The following CADM2 variants were observed in gnomAD, a reference collection of about 807,000 sequenced individuals.
The protein encoded by CADM2 is immunoglobulin superfamily member 4D.
Under a neutral mutation model 49.8 loss-of-function variants are expected in CADM2, and 12 were observed. The ratio of observed to expected loss-of-function variants is 0.24; its 90% CI spans 0.15 to 0.39. The LOEUF is 0.39. Ranked by LOEUF, CADM2 falls within the 10% of genes least tolerant of loss-of-function variation. The pLI is 1.00. For synonymous variants in CADM2, 214 were observed against 175.4 expected (o/e 1.22, Z -1.74); for missense variants, 378 against 492.3 (o/e 0.77, Z 2.20).
intron 6 of CADM2, among the ~76,000 whole-genome samples, chr3:85,917,814 T>TACATTTGTTTGTGTCCTC (rs1274729355): frequency 1.3e-5 from 2 of 152,190 alleles, no homozygotes; most frequent in Non-Finnish European, 2.9e-5. Flanking sequence ...GGAGTGTTCT[T>TACATTTGTTTGTGTCCTC]CCATTTGTTT....
chr3:85,002,388 A>G (rs1319704694), intron 1 of CADM2, among the ~76,000 whole-genome samples: 1 of 152,044 alleles, frequency 6.6e-6, no homozygotes, highest in Non-Finnish European at 1.5e-5. Context: ...AGAATTTTCT[A>G]CATCCTTAGT....
At position 86,014,402 on chromosome 3, in the gene CADM2, C is replaced by T. The variant is rs1372246009; in HGVS notation, c.971-51203C>T. ...TGACTGTAGTACTGCATTTACTCAA[C>T]GAAGTGATGGAAAATATTGAAGTTT... On this transcript the variant is annotated intron_variant, in intron 8 of 9. Coordinates refer to ENST00000383699, the MANE Select transcript of CADM2 (RefSeq NM_001167675.2). 4.8e-5 allele frequency: 71 copies of T among 1,475,610 alleles called. 1 individual carries two copies. The Middle Eastern group carries it at 8.4e-4, about 17-fold the overall frequency. 91.4% of individuals were successfully genotyped at this position (1,475,610 alleles called of 1,614,324 possible). A position where few individuals can be genotyped will look rare whatever the true frequency, so the allele number is the denominator to read the frequency against.
intron 1 of CADM2, among the ~76,000 whole-genome samples, chr3:85,170,373 C>T (rs1026834184): frequency 2.0e-5 from 3 of 149,336 alleles, no homozygotes; most frequent in Admixed American, 6.7e-5. Context: ...GAGTCTTGCT[C>T]TGTTGCCCAG....
chr3:86,065,871 G>A (rs895808071), intron 9 of CADM2, 141 bp downstream of exon 9: 4 of 827,768 alleles, frequency 4.8e-6, no homozygotes, highest in Non-Finnish European at 6.8e-6. Context: ...TTATTTCAGC[G>A]AATTCTTAAT....
rs78361891 is a variant in CADM2 at position 85,510,326 on chromosome 3, A to G, written c.62-216196A>G. Among the ~76,000 whole-genome samples, 4 of 152,184 alleles carry G rather than the reference A, an allele frequency of 2.6e-5. No individual in the cohort carries two copies. In the East Asian group the frequency reaches 7.7e-4, roughly 29 times the overall value. ...TTACAACACAAGAAAACTGCAACTG[A>G]CGTAAAATGTGCAAATCTGCCTTAA... On this transcript the variant is annotated intron_variant, in intron 1 of 9. Coordinates refer to ENST00000383699, the MANE Select transcript of CADM2 (RefSeq NM_001167675.2).
intron 1 of CADM2, among the ~76,000 whole-genome samples, chr3:85,303,736 T>A (rs941608705): frequency 6.6e-6 from 1 of 151,940 alleles, no homozygotes; most frequent in African/African-American, 2.4e-5. Flanking sequence ...AGATAAGTAG[T>A]GGGACTAGAG....
chr3:85,705,408 C>T (rs1559604053), intron 1 of CADM2, among the ~76,000 whole-genome samples: 1 of 152,076 alleles, frequency 6.6e-6, no homozygotes, highest in African/African-American at 2.4e-5. Flanking sequence ...ATACCTTGTT[C>T]AAGTTCACAT....
intron 1 of CADM2, among the ~76,000 whole-genome samples, chr3:85,419,412 C>T (rs111946084): frequency 0.02 from 2,988 of 151,390 alleles, 88 homozygotes; most frequent in African/African-American, 0.067. Context: ...GAGCGGAGAT[C>T]GCGCCACTGC....
At chr3:85,218,524 G>A (rs965843141) in intron 1 of CADM2, among the ~76,000 whole-genome samples, 1 of 152,230 alleles carries the variant, frequency 6.6e-6, no homozygotes, top group African/African-American at 2.4e-5. Flanking sequence ...GAGGTAAAGT[G>A]TACAGGCTCA....
chr3:86,022,266 T>C (rs1315113363), intron 8 of CADM2, among the ~76,000 whole-genome samples: 1 of 152,126 alleles, frequency 6.6e-6, no homozygotes, highest in Admixed American at 6.6e-5. Flanking sequence ...GATGGTTCTT[T>C]AGTAAATGTA....
At chr3:85,716,185 A>C (rs2067287055) in intron 1 of CADM2, among the ~76,000 whole-genome samples, 1 of 152,166 alleles carries the variant, frequency 6.6e-6, no homozygotes, top group Admixed American at 6.5e-5. Context: ...CTGACTTTTT[A>C]ATGATCACCA....
intron 3 of CADM2, among the ~76,000 whole-genome samples, chr3:85,869,785 A>C (rs191701833): frequency 7.2e-5 from 11 of 152,050 alleles, no homozygotes; most frequent in Non-Finnish European, 1.3e-4. Context: ...CAGCCTCCCA[A>C]GTAGCTGGGA....
intron 1 of CADM2, among the ~76,000 whole-genome samples, chr3:85,233,924 A>G (rs912453051): frequency 3.3e-5 from 5 of 152,240 alleles, no homozygotes; most frequent in South Asian, 2.1e-4. Flanking sequence ...TATAGTATGA[A>G]TTATTTCCAT....
chr3:85,935,801 T>A lies in CADM2; in HGVS notation c.735T>A (p.Pro245=), dbSNP rs1419560223. 1.2e-6 allele frequency: 2 copies of A among 1,606,136 alleles called. No homozygotes were observed. Among genetic ancestry groups the A allele is most frequent in the Non-Finnish European group, 1.7e-6 (2 of 1,174,254 alleles). Residue 245 remains proline (P), a synonymous_variant, in exon 7 of 10, where the codon CCT becomes CCA. Coordinates refer to ENST00000383699, the MANE Select transcript of CADM2 (RefSeq NM_001167675.2). ...TPSVKIIPST[P]FPQEGQPLIL... is the part of the protein sequence containing the mutation. ...CAGTTAAGATTATACCATCGACTCC[T>A]TTTCCACAAGAAGGACAGCCTTTAA...
intron 1 of CADM2, among the ~76,000 whole-genome samples, chr3:85,030,081 C>T (rs886960951): frequency 6.6e-6 from 1 of 152,146 alleles, no homozygotes; most frequent in African/African-American, 2.4e-5. Flanking sequence ...CTCCTCTGGT[C>T]CCCAGGACGT....
intron 1 of CADM2, among the ~76,000 whole-genome samples, chr3:85,676,585 C>T (rs2065892324): frequency 6.6e-6 from 1 of 152,142 alleles, no homozygotes; most frequent in African/African-American, 2.4e-5. Flanking sequence ...TTCTCAATTA[C>T]ATAGGACCTT....
chr3:85,784,443 C>T (rs1162680569), intron 2 of CADM2, among the ~76,000 whole-genome samples: 1 of 151,978 alleles, frequency 6.6e-6, no homozygotes, highest in Non-Finnish European at 1.5e-5. Context: ...ATACAACACT[C>T]AGTTTATATC....
rs561363789 is a variant in CADM2, at chr3:85,159,005, CAGA to C, written c.61+199343_61+199345del. Among the ~76,000 whole-genome samples the C allele has an allele frequency of 3.4e-3, 523 of 152,150 alleles. 3 individuals carry two copies. The highest frequency in any genetic ancestry group is 7.7e-3 in the African/African-American group (321 of 41,516). On this transcript the variant is annotated intron_variant, in intron 1 of 9. Transcript: ENST00000383699. ...AATGCTGAGAAAGTTCCGTTTACAG[CAGA>C]AGAAGTTATAAGTTTTAAAACAGTT... is the stretch of plus-strand genomic sequence containing the variant.
intron 7 of CADM2, among the ~76,000 whole-genome samples, chr3:85,951,602 T>C (rs1723431617): frequency 6.6e-6 from 1 of 150,992 alleles, no homozygotes; most frequent in Admixed American, 6.6e-5. Flanking sequence ...CACACATTCT[T>C]AATGACATTA....
Sources: gnomAD v4.1 joint callset for allele counts (sites outside exome capture counted in the v4.1 genomes callset) on GRCh38, gnomAD v4.1.1 for gene constraint, MANE v1.5 for transcripts, NCBI Gene and HGNC (gene_info 2026-07-23, HGNC 2026-07-21) for gene names.